The following AGK variants were observed in gnomAD, a reference collection of about 807,000 sequenced individuals.
AGK encodes acylglycerol kinase, mitochondrial.
Under a neutral mutation model 66.4 loss-of-function variants are expected in AGK, and 52 were observed. That is an observed-to-expected ratio of 0.78 (90% CI 0.63 to 0.99). The LOEUF is 0.99. Among genes scored for constraint, AGK ranks in the 50% least tolerant of loss-of-function variants. The probability of loss-of-function intolerance (pLI) is 0.00; values close to 1 mark genes in which losing one functional copy is unlikely to be tolerated. For missense variants in AGK, 451 were observed against 506.6 expected (o/e 0.89, Z 1.05); for synonymous variants, 182 against 181.1 (o/e 1.00, Z -0.04).
intron 2 of AGK, among the ~76,000 whole-genome samples, chr7:141,589,704 G>A (rs1445667368): frequency 6.6e-6 from 1 of 152,126 alleles, no homozygotes; most frequent in African/African-American, 2.4e-5. Context: ...GGGATTATAG[G>A]CATGTGCCAC....
intron 14 of AGK, among the ~76,000 whole-genome samples, chr7:141,651,072 C>T (rs1489995756): frequency 6.6e-6 from 1 of 152,142 alleles, no homozygotes; most frequent in Non-Finnish European, 1.5e-5. Context: ...TATCAGAGAA[C>T]TTCTAAGACT....
chr7:141,560,273 T>C lies in AGK; in HGVS notation c.101+4706T>C, dbSNP rs369005870. ...TTTTCCTTTTGTTGCCCTCCCTCCGTTTTTTTTTTTGCCTATATATCCCCA... is the reference window on the plus strand; with the variant it reads ...TTTTCCTTTTGTTGCCCTCCCTCCGCTTTTTTTTTTGCCTATATATCCCCA... On this transcript the variant is annotated intron_variant, in intron 2 of 15. Transcript: ENST00000649286. 3.6e-3 allele frequency among the ~76,000 whole-genome samples: 520 copies of C among 142,782 alleles called. 4 individuals carry two copies. The highest frequency in any genetic ancestry group is 8.8e-3 in the South Asian group (40 of 4,540). The allele number at this position is 142,782 out of a possible 152,430, so 93.7% of individuals were successfully genotyped here.
chr7:141,565,536 G>A (rs1454514247), intron 2 of AGK, among the ~76,000 whole-genome samples: 1 of 151,992 alleles, frequency 6.6e-6, no homozygotes, highest in Non-Finnish European at 1.5e-5. Flanking sequence ...CTGTAATCGG[G>A]AGGCTGAGGC....
At position 141,649,460 on chromosome 7, in the gene AGK, T is replaced by TA. The variant is rs1471087190; in HGVS notation, c.1046+128dup. The TA allele has an allele frequency of 1.5e-5, 11 of 720,442 alleles. No individual in the cohort carries two copies. In the Admixed American group the frequency reaches 2.7e-4, roughly 18 times the overall value. The allele number at this position is 720,442 out of a possible 1,614,324, so 44.6% of individuals were successfully genotyped here. A position where few individuals can be genotyped will look rare whatever the true frequency, so the allele number is the denominator to read the frequency against. On this transcript the variant is annotated intron_variant, in intron 14 of 15. Coordinates refer to ENST00000649286, the MANE Select transcript of AGK (RefSeq NM_018238.4). ...TTGTCTTGTTTGGGAATTTCGATGT[T>TA]ATTTCTTTCCTATGGGCTGACATGT...
chr7:141,576,307 A>C (rs1795736654), intron 2 of AGK, among the ~76,000 whole-genome samples: 1 of 152,092 alleles, frequency 6.6e-6, no homozygotes, highest in Admixed American at 6.5e-5. Flanking sequence ...AGGAAGGAGA[A>C]GGGATTCTTA....
intron 2 of AGK, among the ~76,000 whole-genome samples, chr7:141,570,496 A>G (rs1347738443): frequency 1.3e-5 from 2 of 152,216 alleles, no homozygotes; most frequent in African/African-American, 2.4e-5. Flanking sequence ...AAATTAATTT[A>G]AAAAACTTTT....
intron 5 of AGK, among the ~76,000 whole-genome samples, chr7:141,610,276 A>G (rs1796558034): frequency 6.6e-6 from 1 of 152,048 alleles, no homozygotes; most frequent in Admixed American, 6.6e-5. Flanking sequence ...CCAGATATAT[A>G]TATATTTTTA....
At chr7:141,593,520 T>C (rs758968600) in intron 3 of AGK, 24 of 619,556 alleles carry the variant, frequency 3.9e-5, no homozygotes, top group Non-Finnish European at 5.8e-5. Flanking sequence ...ATCCCTGATC[T>C]GAATAACCCC....
At chr7:141,565,520 G>A (rs1465220810) in intron 2 of AGK, among the ~76,000 whole-genome samples, 1 of 151,932 alleles carries the variant, frequency 6.6e-6, no homozygotes, top group Non-Finnish European at 1.5e-5. Flanking sequence ...GTGTGGTGGC[G>A]CATGCCTGTA....
chr7:141,629,860 C>A (rs1362125072), intron 9 of AGK, among the ~76,000 whole-genome samples: 2 of 151,906 alleles, frequency 1.3e-5, no homozygotes, highest in African/African-American at 4.8e-5. Context: ...GTGCTTCTTG[C>A]CTACACTACA....
At chr7:141,641,182 C>A in intron 11 of AGK, 66 bp from the exon 12 acceptor site, 2 of 1,478,098 alleles carry the variant, frequency 1.4e-6, no homozygotes, top group Non-Finnish European at 1.8e-6. Context: ...ATAACTTTTG[C>A]AGAGAGAAAC....
chr7:141,607,450 G>C (rs529566967), intron 5 of AGK, among the ~76,000 whole-genome samples: 1 of 152,104 alleles, frequency 6.6e-6, no homozygotes, highest in Non-Finnish European at 1.5e-5. Context: ...TAGATCTTTG[G>C]TGAGGTGTCT....
intron 5 of AGK, among the ~76,000 whole-genome samples, chr7:141,606,010 T>C (rs556135730): frequency 8.5e-5 from 13 of 152,300 alleles, no homozygotes; most frequent in Admixed American, 8.5e-4. Flanking sequence ...TGTTTAAAAA[T>C]GTAAGTCGTA....
In AGK at chr7:141,653,651, G is replaced by A. The variant is rs1797618559; in HGVS notation, c.*727G>A. ...TCATCTGCCCTTCCCAGGTGATTCT[G>A]TAAGTTGTCCCTCAACTGTACTTGG... On this transcript the variant is annotated 3_prime_UTR_variant, in exon 16 of 16. Coordinates refer to ENST00000649286, the MANE Select transcript of AGK (RefSeq NM_018238.4). 6.6e-6 allele frequency: 1 copy of A among 152,196 alleles called. No homozygotes were observed. The highest frequency in any genetic ancestry group is 6.5e-5 in the Admixed American group (1 of 15,288). 9.4% of individuals were successfully genotyped at this position (152,196 alleles called of 1,614,324 possible). A position where few individuals can be genotyped will look rare whatever the true frequency, so the allele number is the denominator to read the frequency against.
chr7:141,630,497 A>G (rs1797031483), intron 9 of AGK, among the ~76,000 whole-genome samples: 1 of 152,238 alleles, frequency 6.6e-6, no homozygotes, highest in Non-Finnish European at 1.5e-5. Context: ...TGTCAATTAC[A>G]TTGTACCCCA....
chr7:141,636,823 G>T, intron 10 of AGK, 137 bp from the exon 11 acceptor site: 1 of 618,192 alleles, frequency 1.6e-6, no homozygotes, highest in Non-Finnish European at 2.8e-6. Flanking sequence ...TTTATACTAA[G>T]CCATAACCTC....
In AGK at chr7:141,555,674, G is replaced by A. The variant is rs1795194576; in HGVS notation, c.101+107G>A. On this transcript the variant is annotated intron_variant, in intron 2 of 15. Coordinates refer to ENST00000649286, the MANE Select transcript of AGK (RefSeq NM_018238.4). The surrounding 1 kb of genome is among the most constrained non-coding windows in gnomAD (Gnocchi z 4.2). Reference sequence around the variant, plus strand: ...CTGTGCTTATCCCTATAAAACATGTGGTGTAAAAGAAAAATAAATGCTATT... The same window carrying A: ...CTGTGCTTATCCCTATAAAACATGTAGTGTAAAAGAAAAATAAATGCTATT... 17 of 722,656 alleles carry A rather than the reference G, an allele frequency of 2.4e-5. No homozygotes were observed. Among genetic ancestry groups the A allele is most frequent in the South Asian group, 6.5e-5 (3 of 46,340 alleles). The allele number at this position is 722,656 out of a possible 1,614,324, so 44.8% of individuals were successfully genotyped here.
In AGK at chr7:141,653,673, T is replaced by C. The variant is rs1257840180; in HGVS notation, c.*749T>C. On this transcript the variant is annotated 3_prime_UTR_variant, in exon 16 of 16. Transcript: ENST00000649286. ...TCTGTAAGTTGTCCCTCAACTGTACTTGGAGAAATCGTGTTTTAAAGCAGT... is the reference window on the plus strand; with the variant it reads ...TCTGTAAGTTGTCCCTCAACTGTACCTGGAGAAATCGTGTTTTAAAGCAGT... 1 of 152,212 alleles carries C rather than the reference T, an allele frequency of 6.6e-6. No homozygotes were observed. Among genetic ancestry groups the C allele is most frequent in the Non-Finnish European group, 1.5e-5 (1 of 68,042 alleles). 9.4% of individuals were successfully genotyped at this position (152,212 alleles called of 1,614,324 possible).
chr7:141,557,349 T>C (rs774358335), intron 2 of AGK, among the ~76,000 whole-genome samples: 6 of 152,196 alleles, frequency 3.9e-5, no homozygotes, highest in Admixed American at 1.3e-4. Flanking sequence ...AATTTGTAAT[T>C]AAGAAAAGGG....
Sources: gnomAD v4.1 joint callset for allele counts (sites outside exome capture counted in the v4.1 genomes callset) on GRCh38, gnomAD v4.1.1 for gene constraint, Gnocchi (gnomAD v3.1) non-coding constraint, MANE v1.5 for transcripts, NCBI Gene and HGNC (gene_info 2026-07-23, HGNC 2026-07-21) for gene names.